The following PHLDB1 variants were observed in gnomAD, a reference collection of about 807,000 sequenced individuals.
PHLDB1 encodes pleckstrin homology like domain family B member 1.
In PHLDB1, 65 loss-of-function variants were observed where a neutral mutation model predicts 139.3. The observed-to-expected ratio is 0.47, with a 90% CI of 0.38 to 0.57. The LOEUF (loss-of-function observed/expected upper bound fraction) is 0.57, where lower values mean the gene tolerates loss of function less well. PHLDB1 is among the 20% of genes least tolerant of loss of function. The pLI is 0.00. For missense variants in PHLDB1, 1,624 were observed against 1,839.7 expected (o/e 0.88, Z 2.14); for synonymous variants, 679 against 734.5 (o/e 0.92, Z 1.22).
rs782169726 is a variant in PHLDB1 at position 118,627,292 on chromosome 11, C to T, written c.482-13C>T. 3.4e-5 allele frequency: 55 copies of T among 1,612,148 alleles called. No homozygotes were observed. The highest frequency in any genetic ancestry group is 4.3e-5 in the Non-Finnish European group (51 of 1,179,482). Reference sequence around the variant, plus strand: ...AGCTCCCTAAAGTCAAAGACCTTTGCATTTCCCTCCAGCAGAATCAGAAAG... The same window carrying T: ...AGCTCCCTAAAGTCAAAGACCTTTGTATTTCCCTCCAGCAGAATCAGAAAG... On this transcript the variant is annotated splice_polypyrimidine_tract_variant and intron_variant, in intron 5 of 22. Coordinates refer to ENST00000600882, the MANE Select transcript of PHLDB1 (RefSeq NM_001144758.3).
At position 118,635,387 on chromosome 11, in the gene PHLDB1, T is replaced by C; in HGVS notation, c.2380-6T>C. ...CACCCAACCCCCTTTGTCACTGTCG[T>C]TGAAGGAGGCAGAGGCCCTGGAGAC... On this transcript the variant is annotated splice_polypyrimidine_tract_variant and splice_region_variant and intron_variant, in intron 9 of 22. Transcript: ENST00000600882. 1 of 1,574,598 alleles carries C rather than the reference T, an allele frequency of 6.4e-7. No individual in the cohort carries two copies. Among genetic ancestry groups the C allele is most frequent in the South Asian group, 1.2e-5 (1 of 83,038 alleles).
rs1241021626 is a variant in PHLDB1, at chr11:118,624,960, AC to A, written c.384del (p.Phe129SerfsTer13). 6.2e-7 allele frequency: 1 copy of A among 1,613,808 alleles called. No individual in the cohort carries two copies. The highest frequency in any genetic ancestry group is 2.2e-5 in the East Asian group (1 of 44,872). On this transcript the variant is annotated frameshift_variant, in exon 5 of 23. Transcript: ENST00000600882. LOFTEE classifies it high-confidence loss of function. Reference sequence around the variant, plus strand: ...CTGCATGTTGTGCCTGGGTCAGTCCACCTTCCTTCGCTTTAACCACCCGGCT... The same window carrying A: ...CTGCATGTTGTGCCTGGGTCAGTCCACTTCCTTCGCTTTAACCACCCGGCT... ...QGCMLCLGQS[T>X]FLRFNHPAEA...
rs1555105636 is a variant in PHLDB1, at chr11:118,628,244, C to A, written c.1421C>A (p.Thr474Asn). The change falls in exon 6 of 23, where the codon ACC (threonine) becomes AAC (asparagine). Residue 474 changes from threonine (T) to asparagine (N), a missense_variant. Transcript: ENST00000600882. ...LSRRALSPLP[T>N]RTTPDPKLNR... ...CGGCGAGCTCTCTCCCCGCTGCCCA[C>A]CCGGACCACCCCAGATCCCAAGCTA... 1 of 1,614,020 alleles carries A rather than the reference C, an allele frequency of 6.2e-7. No homozygotes were observed. The highest frequency in any genetic ancestry group is 1.1e-5 in the South Asian group (1 of 91,090).
intron 12 of PHLDB1, 40 bp downstream of exon 12, chr11:118,639,291 G>T: frequency 6.7e-7 from 1 of 1,491,328 alleles, no homozygotes. Flanking sequence ...GGCCCAAGGC[G>T]TGTCCTGGGA....
rs368638023 is a variant in PHLDB1, at chr11:118,644,098, G to A, written c.3045G>A (p.Thr1015=). 14 of 1,613,784 alleles carry A rather than the reference G, an allele frequency of 8.7e-6. No individual in the cohort carries two copies. The highest frequency in any genetic ancestry group is 1.6e-4 in the Middle Eastern group (1 of 6,082). Residue 1015 remains threonine (T), a synonymous_variant, in exon 15 of 23, where the codon ACG becomes ACA. Transcript: ENST00000600882. ...PKSALLTQNG[T]GSLPRNLAAT... ...GCGCTCTACTCACCCAGAATGGCAC[G>A]GGCAGCCTTCCTCGCAACCTGGCAG...
intron 20 of PHLDB1, chr11:118,652,176 CT>C (rs35512170): frequency 0.034 from 5,171 of 152,312 alleles, 123 homozygotes; most frequent in Non-Finnish European, 0.049. Flanking sequence ...CACTTCCCCC[CT>C]AACCTGGTCC....
chr11:118,614,577 A>C lies in PHLDB1; in HGVS notation c.79A>C (p.Ile27Leu). ...CCTACAGAAAGGACCCTTGGACCTGATCGAGACAGGCAAAGGGCTGAAAGT... is the reference window on the plus strand; with the variant it reads ...CCTACAGAAAGGACCCTTGGACCTGCTCGAGACAGGCAAAGGGCTGAAAGT... ...TMVQKGPLDL[I>L]ETGKGLKVQT... is the part of the protein sequence containing the mutation. The change falls in exon 3 of 23, where the codon ATC (isoleucine) becomes CTC (leucine). Residue 27 changes from isoleucine (I) to leucine (L), a missense_variant. By Grantham distance (5) the Ile-to-Leu change is conservative. Transcript: ENST00000600882. 6.2e-7 allele frequency: 1 copy of C among 1,613,954 alleles called. No homozygotes were observed. Among genetic ancestry groups the C allele is most frequent in the Non-Finnish European group, 8.5e-7 (1 of 1,179,918 alleles).
In PHLDB1 at chr11:118,631,222, G is replaced by C; in HGVS notation, c.1843G>C (p.Glu615Gln). ...EMERLERQRLETILNLCAEYS... is the reference protein window; with the variant it reads ...EMERLERQRLQTILNLCAEYS... ...TCCTCCCCAGGAACGCCAGCGCCTGGAGACCATCCTGAACCTGTGTGCCGA... is the reference window on the plus strand; with the variant it reads ...TCCTCCCCAGGAACGCCAGCGCCTGCAGACCATCCTGAACCTGTGTGCCGA... Residue 615 changes from glutamate to glutamine, a missense_variant, in exon 7 of 23, where the codon GAG becomes CAG. Transcript: ENST00000600882. The C allele has an allele frequency of 7.0e-7, 1 of 1,430,656 alleles. No homozygotes were observed. The highest frequency in any genetic ancestry group is 9.2e-7 in the Non-Finnish European group (1 of 1,088,102). The allele number at this position is 1,430,656 out of a possible 1,614,324, so 88.6% of individuals were successfully genotyped here.
chr11:118,648,079 G>C lies in PHLDB1; in HGVS notation c.3654+3G>C, dbSNP rs782382823. 6.2e-7 allele frequency: 1 copy of C among 1,613,224 alleles called. No homozygotes were observed. The highest frequency in any genetic ancestry group is 1.1e-5 in the South Asian group (1 of 90,826). Reference sequence around the variant, plus strand: ...TGCGGGAGAAACAATTTTCCCAGGTGAATGGGCAGTGGGGCACAGTGGTGG... The same window carrying C: ...TGCGGGAGAAACAATTTTCCCAGGTCAATGGGCAGTGGGGCACAGTGGTGG... On this transcript the variant is annotated splice_donor_region_variant and intron_variant, in intron 18 of 22. Coordinates refer to ENST00000600882, the MANE Select transcript of PHLDB1 (RefSeq NM_001144758.3).
chr11:118,647,979 G>C lies in PHLDB1; in HGVS notation c.3557G>C (p.Arg1186Thr). The part of the protein sequence containing the change: ...RRQALEEERR[R>T]REQVERRLQS... Reference sequence around the variant, plus strand: ...CAGGCCCTGGAGGAGGAGCGGCGGAGGCGTGAGCAGGTAGAACGGAGGCTG... The same window carrying C: ...CAGGCCCTGGAGGAGGAGCGGCGGACGCGTGAGCAGGTAGAACGGAGGCTG... The change falls in exon 18 of 23, where the codon AGG (arginine) becomes ACG (threonine). Residue 1186 changes from arginine (R) to threonine (T), a missense_variant. By Grantham distance (71) the Arg-to-Thr change is moderately conservative. Coordinates refer to ENST00000600882, the MANE Select transcript of PHLDB1 (RefSeq NM_001144758.3). 1 of 1,598,354 alleles carries C rather than the reference G, an allele frequency of 6.3e-7. No individual in the cohort carries two copies. The highest frequency in any genetic ancestry group is 8.5e-7 in the Non-Finnish European group (1 of 1,172,612).
At chr11:118,639,289 G>A (rs1172146476) in intron 12 of PHLDB1, 38 bp downstream of exon 12, 11 of 1,505,824 alleles carry the variant, frequency 7.3e-6, no homozygotes, top group Middle Eastern at 1.7e-4. Flanking sequence ...CAGGCCCAAG[G>A]CGTGTCCTGG....
intron 5 of PHLDB1, chr11:118,627,069 A>C (rs1196651699): frequency 1.8e-6 from 1 of 567,918 alleles, no homozygotes; most frequent in Non-Finnish European, 3.1e-6. Context: ...TTTAAGTCAC[A>C]GGCAGGAAGG....
chr11:118,645,844 G>A lies in PHLDB1; in HGVS notation c.3507+19G>A, dbSNP rs782445143. On this transcript the variant is annotated intron_variant, in intron 17 of 22. Transcript: ENST00000600882. The surrounding 1 kb of genome is among the most constrained non-coding windows in gnomAD (Gnocchi z 5.1). ...GTCGAGGGTGAGTCTGACCTGGATC[G>A]GGGAGGCAGAAGGTGTTGGGGCACA... 1.2e-5 allele frequency: 19 copies of A among 1,545,114 alleles called. No individual in the cohort carries two copies. Among genetic ancestry groups the A allele is most frequent in the Middle Eastern group, 1.7e-4 (1 of 5,942 alleles).
intron 15 of PHLDB1, chr11:118,644,642 G>C: frequency 7.8e-7 from 1 of 1,288,506 alleles, no homozygotes; most frequent in Non-Finnish European, 1.0e-6. Context: ...GGTCCCCCAC[G>C]CCAGTCGAGT....
Position 118,628,327 on chromosome 11 carries a change from C to T in PHLDB1, c.1504C>T (p.Pro502Ser). Reference sequence around the variant, plus strand: ...GCGCTGGGCAGCCCATGGGGCTTCACCAGAGGACTTCTCCCTGACGCTGGG... The same window carrying T: ...GCGCTGGGCAGCCCATGGGGCTTCATCAGAGGACTTCTCCCTGACGCTGGG... ...PRRWAAHGASPEDFSLTLGAR... is the reference protein window; with the variant it reads ...PRRWAAHGASSEDFSLTLGAR... The change falls in exon 6 of 23, where the codon CCA becomes TCA. Residue 502 changes from proline to serine, a missense_variant. Transcript: ENST00000600882. The T allele has an allele frequency of 1.2e-6, 2 of 1,613,048 alleles. No individual in the cohort carries two copies. Among genetic ancestry groups the T allele is most frequent in the Non-Finnish European group, 1.7e-6 (2 of 1,179,590 alleles).
At chr11:118,625,476 T>G (rs1335907585) in intron 5 of PHLDB1, among the ~76,000 whole-genome samples, 1 of 152,170 alleles carries the variant, frequency 6.6e-6, no homozygotes, top group East Asian at 1.9e-4. Context: ...CAACCCTCAC[T>G]CCATGCCCTG....
intron 4 of PHLDB1, among the ~76,000 whole-genome samples, chr11:118,619,013 C>T (rs1660427445): frequency 6.6e-6 from 1 of 152,078 alleles, no homozygotes; most frequent in Admixed American, 6.6e-5. Flanking sequence ...CTGATTCCAC[C>T]CCCTGTACCC....
intron 21 of PHLDB1, 45 bp downstream of exon 21, chr11:118,655,735 G>A: frequency 6.5e-7 from 1 of 1,539,468 alleles, no homozygotes; most frequent in South Asian, 1.1e-5. Flanking sequence ...GGACAGCCAT[G>A]GGGAAGGGGT....
chr11:118,644,641 C>T (rs1555125119), intron 15 of PHLDB1: 5 of 1,287,980 alleles, frequency 3.9e-6, no homozygotes, highest in Admixed American at 4.6e-5. Context: ...GGGTCCCCCA[C>T]GCCAGTCGAG....
Sources: gnomAD v4.1 joint callset for allele counts (sites outside exome capture counted in the v4.1 genomes callset) on GRCh38, gnomAD v4.1.1 for gene constraint, Gnocchi (gnomAD v3.1) non-coding constraint, MANE v1.5 for transcripts, NCBI Gene and HGNC (gene_info 2026-07-23, HGNC 2026-07-21) for gene names.